Variants in YWHAQ observed in about 807,000 individuals in gnomAD.
The protein encoded by YWHAQ is 14-3-3 protein theta.
Under a neutral mutation model 28.3 loss-of-function variants are expected in YWHAQ, and 6 were observed. The ratio of observed to expected loss-of-function variants is 0.21; its 90% confidence interval spans 0.12 to 0.42. The LOEUF (loss-of-function observed/expected upper bound fraction) is 0.42. Among genes scored for constraint, YWHAQ ranks in the 10% least tolerant of loss-of-function variants. The probability of loss-of-function intolerance (pLI) is 1.00; values close to 1 mark genes in which losing one functional copy is unlikely to be tolerated. For missense variants in YWHAQ, 201 were observed against 305.6 expected (o/e 0.66, Z 2.55); for synonymous variants, 143 against 119.1 (o/e 1.20, Z -1.31).
chr2:9,611,475 C>A (rs1040027892), intron 2 of YWHAQ, among the ~76,000 whole-genome samples: 2 of 152,110 alleles, frequency 1.3e-5, no homozygotes, highest in Non-Finnish European at 2.9e-5. Context: ...GATTGCTCCA[C>A]CCTGGTATAG....
chr2:9,617,091 G>A (rs1472942380), intron 2 of YWHAQ, among the ~76,000 whole-genome samples: 1 of 151,672 alleles, frequency 6.6e-6, no homozygotes, highest in Non-Finnish European at 1.5e-5. Flanking sequence ...CTCCCGAGTA[G>A]CTGGGACTAC....
rs927603470 is a variant in YWHAQ at position 9,588,270 on chromosome 2, C to T, written c.477G>A (p.Glu159=). 2 of 1,609,718 alleles carry T rather than the reference C, an allele frequency of 1.2e-6. No individual in the cohort carries two copies. The highest frequency in any genetic ancestry group is 1.7e-6 in the Non-Finnish European group (2 of 1,179,066). ...YQEAFDISKK[E]MQPTHPIRLG... ...GGCGGATTGGGTGTGTGGGTTGCAT[C>T]TCTTTCTTGCTTATATCAAATGCCT... The change falls in exon 4 of 6, where the codon GAG becomes GAA. Residue 159 remains glutamate, a synonymous_variant. Transcript: ENST00000238081.
chr2:9,606,315 C>T (rs1289874502), intron 2 of YWHAQ, among the ~76,000 whole-genome samples: 2 of 152,184 alleles, frequency 1.3e-5, no homozygotes, highest in Non-Finnish European at 2.9e-5. Context: ...CCTGTAATCC[C>T]AGCACTTTGG....
intron 3 of YWHAQ, among the ~76,000 whole-genome samples, chr2:9,589,448 GT>G (rs1666412687): frequency 6.6e-6 from 1 of 152,086 alleles, no homozygotes; most frequent in African/African-American, 2.4e-5. Context: ...GATGGGAGTG[GT>G]GATGCATGCC....
chr2:9,617,287 G>GT (rs1400789106), intron 2 of YWHAQ, among the ~76,000 whole-genome samples: 1 of 152,018 alleles, frequency 6.6e-6, no homozygotes, highest in Non-Finnish European at 1.5e-5. Flanking sequence ...TCTATACAGT[G>GT]TAATATTATT....
intron 2 of YWHAQ, among the ~76,000 whole-genome samples, chr2:9,597,960 C>T (rs1481250353): frequency 1.4e-5 from 2 of 145,314 alleles, no homozygotes; most frequent in African/African-American, 2.6e-5. Flanking sequence ...ACTGGGACTA[C>T]AGGCATGCAC....
chr2:9,602,862 AATATATATATATATATATATATAT>A (rs71413909), intron 2 of YWHAQ, among the ~76,000 whole-genome samples: 305 of 20,854 alleles, frequency 0.015, 7 homozygotes, highest in Middle Eastern at 0.11. Context: ...AAAAAAAAAA[AATATATATATATATATATATATAT>A]ATATATATAT....
chr2:9,587,387 ATAAAAT>A (rs753664218), intron 5 of YWHAQ, 21 bp downstream of exon 5: 57 of 1,574,036 alleles, frequency 3.6e-5, no homozygotes, highest in Non-Finnish European at 4.6e-5. Flanking sequence ...TGAAAAGAAA[ATAAAAT>A]TAAAAGAGTA....
At position 9,598,011 on chromosome 2, in the gene YWHAQ, T is replaced by TTTTTTTTTTG. The variant is rs1397521514; in HGVS notation, c.295-6497_295-6496insCAAAAAAAAA. On this transcript the variant is annotated intron_variant, in intron 2 of 5. Coordinates refer to ENST00000238081, the MANE Select transcript of YWHAQ (RefSeq NM_006826.4). ...TTTTTTTTTTTTTTTTTTTTTTTTTTTTAGTAGAGACAAGGTTTCTCCATG... is the reference window on the plus strand; with the variant it reads ...TTTTTTTTTTTTTTTTTTTTTTTTTTTTTTTTTTTGTTAGTAGAGACAAGGTTTCTCCATG... Among the ~76,000 whole-genome samples, 136 of 137,200 alleles carry TTTTTTTTTTG rather than the reference T, an allele frequency of 9.9e-4. 6 individuals carry two copies. Among genetic ancestry groups the TTTTTTTTTTG allele is most frequent in the South Asian group, 6.3e-3 (27 of 4,308 alleles). 90.0% of individuals were successfully genotyped at this position (137,200 alleles called of 152,430 possible).
At chr2:9,607,951 G>A (rs995371668) in intron 2 of YWHAQ, among the ~76,000 whole-genome samples, 4 of 151,668 alleles carry the variant, frequency 2.6e-5, no homozygotes, top group African/African-American at 7.3e-5. Context: ...GACGTAATCC[G>A]CCCACCTCAG....
intron 2 of YWHAQ, among the ~76,000 whole-genome samples, chr2:9,617,993 A>C (rs1667068680): frequency 6.6e-6 from 1 of 152,164 alleles, no homozygotes; most frequent in South Asian, 2.1e-4. Context: ...AGGCTAAGTG[A>C]AAGAAGCCAG....
At chr2:9,624,191 G>A (rs971789972) in intron 2 of YWHAQ, among the ~76,000 whole-genome samples, 10 of 152,194 alleles carry the variant, frequency 6.6e-5, no homozygotes, top group Admixed American at 3.9e-4. Flanking sequence ...GGGAGGTGGA[G>A]GTTGCAGTGA....
intron 2 of YWHAQ, among the ~76,000 whole-genome samples, chr2:9,593,995 ACACACG>A (rs1362535006): frequency 5.5e-4 from 82 of 150,442 alleles, no homozygotes; most frequent in African/African-American, 1.7e-3. Flanking sequence ...ACACACACAC[ACACACG>A]CACGCACAAA....
chr2:9,591,657 C>T (rs1480990821), intron 2 of YWHAQ, 142 bp from the exon 3 acceptor site: 2 of 1,114,670 alleles, frequency 1.8e-6, no homozygotes, highest in Non-Finnish European at 2.4e-6. Flanking sequence ...GGACTTGAAG[C>T]ATGTTCTTAG....
At chr2:9,605,046 TTTTA>T (rs1309074993) in intron 2 of YWHAQ, among the ~76,000 whole-genome samples, 5 of 152,196 alleles carry the variant, frequency 3.3e-5, no homozygotes, top group African/African-American at 9.6e-5. Context: ...ATGTGAATTA[TTTTA>T]TTTATTTTGA....
At chr2:9,607,453 C>G (rs1666854559) in intron 2 of YWHAQ, among the ~76,000 whole-genome samples, 1 of 151,856 alleles carries the variant, frequency 6.6e-6, no homozygotes. Flanking sequence ...GTGATCCACC[C>G]CCCTCGGCTT....
intron 3 of YWHAQ, among the ~76,000 whole-genome samples, chr2:9,590,262 T>C (rs889674846): frequency 6.6e-6 from 1 of 152,228 alleles, no homozygotes; most frequent in Admixed American, 6.5e-5. Context: ...TCCGTGCCCG[T>C]ATCATGTCCA....
In YWHAQ at chr2:9,585,190, A is replaced by T; in HGVS notation, c.*96T>A. On this transcript the variant is annotated 3_prime_UTR_variant, in exon 6 of 6. Coordinates refer to ENST00000238081, the MANE Select transcript of YWHAQ (RefSeq NM_006826.4). The stretch of plus-strand genomic sequence containing the variant: ...TAAACAGTTGATTCCATACACATGA[A>T]TGGGTTTCTTTGCTATAGGAAATCC... The T allele has an allele frequency of 7.5e-7, 1 of 1,341,296 alleles. No individual in the cohort carries two copies. Among genetic ancestry groups the T allele is most frequent in the Non-Finnish European group, 1.1e-6 (1 of 938,442 alleles). 83.1% of individuals were successfully genotyped at this position (1,341,296 alleles called of 1,614,324 possible).
chr2:9,602,165 G>A (rs531643008), intron 2 of YWHAQ, among the ~76,000 whole-genome samples: 4 of 152,176 alleles, frequency 2.6e-5, no homozygotes, highest in South Asian at 2.1e-4. Flanking sequence ...GGTGGCTCAT[G>A]CCTAAAATTC....
Sources: allele counts gnomAD v4.1 joint callset (sites outside exome capture counted in the v4.1 genomes callset), GRCh38; gene constraint gnomAD v4.1.1; transcripts MANE v1.5; gene names NCBI Gene and HGNC (gene_info 2026-07-23, HGNC 2026-07-21).